HAAO: variants seen among roughly 807,000 people sequenced by gnomAD.
HAAO encodes the protein 3-hydroxyanthranilate oxygenase.
Under a neutral mutation model 46.2 loss-of-function variants are expected in HAAO, and 49 were observed. That is an observed-to-expected ratio of 1.06 (90% CI 0.84 to 1.34). The LOEUF (loss-of-function observed/expected upper bound fraction) is 1.34. HAAO is among the 40% of genes most tolerant of loss of function. The probability of loss-of-function intolerance (pLI) is 0.00; values close to 1 mark genes in which losing one functional copy is unlikely to be tolerated. For synonymous variants in HAAO, 157 were observed against 145.2 expected (o/e 1.08, Z -0.58); for missense variants, 408 against 364.5 (o/e 1.12, Z -0.97).
chr2:42,767,449 C>T lies in HAAO; in HGVS notation c.849G>A (p.Lys283=), dbSNP rs776534500. ...LSVTQDPACK[K]PLG Reference sequence around the variant, plus strand: ...CATGGCAAGAGGGTCACCCCAGGGGCTTCTTGCAGGCAGGGTCCTGGGTCA... The same window carrying T: ...CATGGCAAGAGGGTCACCCCAGGGGTTTCTTGCAGGCAGGGTCCTGGGTCA... Residue 283 remains lysine (K), a synonymous_variant, in exon 10 of 10, where the codon AAG becomes AAA. Coordinates refer to ENST00000294973, the MANE Select transcript of HAAO (RefSeq NM_012205.3). The T allele has an allele frequency of 1.2e-6, 2 of 1,612,612 alleles. No homozygotes were observed. Among genetic ancestry groups the T allele is most frequent in the East Asian group, 2.2e-5 (1 of 44,870 alleles).
intron 1 of HAAO, among the ~76,000 whole-genome samples, chr2:42,790,188 T>A (rs952649735): frequency 3.3e-5 from 5 of 152,154 alleles, no homozygotes; most frequent in African/African-American, 1.2e-4. Context: ...AGAGCCAGTC[T>A]CTTTCCTTTT....
chr2:42,772,254 G>T (rs1671187172), intron 4 of HAAO, among the ~76,000 whole-genome samples: 1 of 152,144 alleles, frequency 6.6e-6, no homozygotes, highest in African/African-American at 2.4e-5. Context: ...GCCGAGGTGG[G>T]TGGATCACCT....
At chr2:42,770,066 C>A in intron 6 of HAAO, 77 bp downstream of exon 6, 1 of 1,386,950 alleles carries the variant, frequency 7.2e-7, no homozygotes, top group Non-Finnish European at 1.0e-6. Context: ...AGAGACTCCC[C>A]GGTCCCCTGG....
chr2:42,767,599 T>C lies in HAAO; in HGVS notation c.778A>G (p.Thr260Ala). 1 of 1,576,262 alleles carries C rather than the reference T, an allele frequency of 6.3e-7. No homozygotes were observed. ...AAGCCCTCCCTGCGTACTCACGAGG[T>C]CCCAGCTAGCACCAGGAGGCTGTCA... ...PDDSLLVLAG[T>A]SYAWERTQGS... The change falls in exon 9 of 10, where the codon ACC becomes GCC. Residue 260 changes from threonine to alanine, a missense_variant. Physicochemically the swap from Thr to Ala is moderately conservative, Grantham distance 58 (BLOSUM62 0). Coordinates refer to ENST00000294973, the MANE Select transcript of HAAO (RefSeq NM_012205.3).
chr2:42,791,900 G>T (rs1466124242), intron 1 of HAAO, among the ~76,000 whole-genome samples: 1 of 85,894 alleles, frequency 1.2e-5, no homozygotes, highest in East Asian at 3.3e-4. Flanking sequence ...ACTGGCAGAG[G>T]TGGCCTAGGG....
intron 7 of HAAO, 78 bp from the exon 8 acceptor site, chr2:42,768,006 C>A (rs989833429): frequency 1.6e-5 from 20 of 1,280,192 alleles, no homozygotes; most frequent in Non-Finnish European, 2.1e-5. Context: ...CCCCCAGACA[C>A]CAGGCCTGCT....
In HAAO at chr2:42,776,751, C is replaced by T. The variant is rs577889125; in HGVS notation, c.351-6169G>A. On this transcript the variant is annotated intron_variant, in intron 4 of 9. Coordinates refer to ENST00000294973, the MANE Select transcript of HAAO (RefSeq NM_012205.3). Reference sequence around the variant, plus strand: ...GGGTTCAAGCAATTCTCTGCCTCAGCCTCCTGAATAGCTGGGATTGCAGGC... The same window carrying T: ...GGGTTCAAGCAATTCTCTGCCTCAGTCTCCTGAATAGCTGGGATTGCAGGC... Among the ~76,000 whole-genome samples the T allele has an allele frequency of 2.9e-3, 444 of 151,508 alleles. 2 individuals are homozygous for T. The highest frequency in any genetic ancestry group is 9.9e-3 in the African/African-American group (408 of 41,290).
At chr2:42,770,624 G>A (rs1363853881) in intron 4 of HAAO, 42 bp from the exon 5 acceptor site, 1 of 1,374,636 alleles carries the variant, frequency 7.3e-7, no homozygotes. Flanking sequence ...TCCCCATCTG[G>A]GTGGCTTCAG....
intron 2 of HAAO, among the ~76,000 whole-genome samples, chr2:42,787,188 C>T (rs949348952): frequency 2.0e-5 from 3 of 152,172 alleles, no homozygotes; most frequent in Admixed American, 1.3e-4. Context: ...TGAGTCAGGA[C>T]GTGAGCTGCT....
At chr2:42,783,923 C>T (rs1672203930) in intron 2 of HAAO, 56 bp from the exon 3 acceptor site, 3 of 1,566,522 alleles carry the variant, frequency 1.9e-6, no homozygotes, top group African/African-American at 2.7e-5. Flanking sequence ...AGGTCCTTGG[C>T]CACTGCCCAG....
intron 1 of HAAO, among the ~76,000 whole-genome samples, chr2:42,791,982 C>T (rs72613891): frequency 3.5e-3 from 526 of 151,800 alleles, no homozygotes; most frequent in Middle Eastern, 6.8e-3. Flanking sequence ...AAAAGCAAGA[C>T]ATCAAGATCT....
Position 42,783,875 on chromosome 2 carries a change from A to G in HAAO, c.160-8T>C, listed in dbSNP as rs755005832. 2 of 1,606,140 alleles carry G rather than the reference A, an allele frequency of 1.2e-6. No homozygotes were observed. The highest frequency in any genetic ancestry group is 1.3e-5 in the African/African-American group (1 of 74,882). On this transcript the variant is annotated splice_region_variant and splice_polypyrimidine_tract_variant and intron_variant, in intron 2 of 9. Coordinates refer to ENST00000294973, the MANE Select transcript of HAAO (RefSeq NM_012205.3). ...CTCCAGCTGGTAAAATACCTGTGGG[A>G]CAGGAGAGAGGCTTGGACCCTCCGC...
At chr2:42,770,953 T>G (rs1671067469) in intron 4 of HAAO, among the ~76,000 whole-genome samples, 1 of 152,188 alleles carries the variant, frequency 6.6e-6, no homozygotes, top group Admixed American at 6.5e-5. Context: ...TCTTAAAAAC[T>G]TAGAGAGCAT....
intron 4 of HAAO, among the ~76,000 whole-genome samples, chr2:42,780,348 C>T (rs1177539923): frequency 6.6e-6 from 1 of 151,994 alleles, no homozygotes; most frequent in Non-Finnish European, 1.5e-5. Context: ...GCTCAGAGTA[C>T]AGGCACATGC....
intron 7 of HAAO, among the ~76,000 whole-genome samples, chr2:42,769,269 A>G (rs1339609399): frequency 6.6e-6 from 1 of 152,244 alleles, no homozygotes; most frequent in Non-Finnish European, 1.5e-5. Flanking sequence ...GTGGAATGAA[A>G]GAAAGTCAGC....
chr2:42,772,902 C>T (rs1051298136), intron 4 of HAAO, among the ~76,000 whole-genome samples: 2 of 139,240 alleles, frequency 1.4e-5, no homozygotes, highest in Non-Finnish European at 3.0e-5. Context: ...TGCATTCCAG[C>T]GTGGGTGATA....
intron 4 of HAAO, among the ~76,000 whole-genome samples, chr2:42,775,191 G>A (rs557741251): frequency 1.4e-5 from 2 of 145,344 alleles, no homozygotes; most frequent in East Asian, 2.0e-4. Flanking sequence ...AGGTTGCAGT[G>A]AGCCGAGATT....
chr2:42,790,945 C>A (rs1470217159), intron 1 of HAAO, among the ~76,000 whole-genome samples: 4 of 152,150 alleles, frequency 2.6e-5, no homozygotes, highest in African/African-American at 9.7e-5. Context: ...AATGCATAAA[C>A]CAGACCTGCC....
chr2:42,784,318 A>G lies in HAAO; in HGVS notation c.160-451T>C, dbSNP rs142835465. ...GAAAGAAAAACAAGGCTCAGAGGGT[A>G]AAACAGCTGGCCTAAGGTCACATAG... On this transcript the variant is annotated intron_variant, in intron 2 of 9. Transcript: ENST00000294973. 2.0e-5 allele frequency among the ~76,000 whole-genome samples: 3 copies of G among 152,262 alleles called. No individual in the cohort carries two copies. The East Asian group carries it at 5.8e-4, about 29-fold the overall frequency.
Sources: allele counts gnomAD v4.1 joint callset (sites outside exome capture counted in the v4.1 genomes callset), GRCh38; gene constraint gnomAD v4.1.1; transcripts MANE v1.5; gene names NCBI Gene and HGNC (gene_info 2026-07-23, HGNC 2026-07-21).